The following BORA variants were observed in gnomAD, a reference collection of about 807,000 sequenced individuals.
BORA encodes BORA aurora kinase A activator.
In BORA, 26 loss-of-function variants were observed where a neutral mutation model predicts 55.8. The ratio of observed to expected loss-of-function variants is 0.47; its 90% CI spans 0.34 to 0.65. The LOEUF is 0.65. BORA is among the 30% of genes least tolerant of loss of function. BORA has a pLI of 0.01. For synonymous variants in BORA, 201 were observed against 216.9 expected, an observed-to-expected ratio of 0.93 and a Z score of 0.64; for missense variants, 568 against 671.5, an observed-to-expected ratio of 0.85 and a Z score of 1.70.
intron 5 of BORA, among the ~76,000 whole-genome samples, chr13:72,741,874 G>C (rs1274621350): frequency 6.6e-6 from 1 of 152,138 alleles, no homozygotes; most frequent in Non-Finnish European, 1.5e-5. Flanking sequence ...CTAGAGATGA[G>C]AGAGATACCT....
At chr13:72,740,165 G>A (rs559330054) in intron 5 of BORA, among the ~76,000 whole-genome samples, 1 of 152,274 alleles carries the variant, frequency 6.6e-6, no homozygotes, top group Admixed American at 6.5e-5. Flanking sequence ...CTTTTTGTAT[G>A]AGAAAGTCCA....
At position 72,756,180 on chromosome 13, in the gene BORA, A is replaced by ATTCATATGTACCCTTAGG; in HGVS notation, c.*964_*965insTTCATATGTACCCTTAGG. 5.5e-6 allele frequency: 2 copies of ATTCATATGTACCCTTAGG among 366,076 alleles called. No homozygotes were observed. The highest frequency in any genetic ancestry group is 9.7e-6 in the Non-Finnish European group (2 of 206,710). The allele number at this position is 366,076 out of a possible 1,614,324, so 22.7% of individuals were successfully genotyped here. On this transcript the variant is annotated 3_prime_UTR_variant, in exon 12 of 12. Transcript: ENST00000390667. ...AAACTGTCTCATTCAAAAGGGAATA[A>ATTCATATGTACCCTTAGG]AGACCTGTGTTATCAATGTGTCATT... is the stretch of plus-strand genomic sequence containing the variant.
chr13:72,747,087 TC>T lies in BORA; in HGVS notation c.1460del (p.Pro487LeufsTer51). On this transcript the variant is annotated frameshift_variant, in exon 10 of 12. Transcript: ENST00000390667. LOFTEE classifies it high-confidence loss of function. ...CACCTCTTGCTGAAAGCAGTGTCAT[TC>T]CTTGTGAAAGCAGTAACATTCAGGT... Reference protein sequence around the residue: ...MSPLAESSVIPCESSNIQMDS... With the variant: ...MSPLAESSVIXCESSNIQMDS... The T allele has an allele frequency of 6.2e-7, 1 of 1,613,794 alleles. No homozygotes were observed. Among genetic ancestry groups the T allele is most frequent in the Non-Finnish European group, 8.5e-7 (1 of 1,179,914 alleles).
intron 3 of BORA, among the ~76,000 whole-genome samples, chr13:72,732,676 C>CA (rs1351718996): frequency 6.6e-6 from 1 of 151,536 alleles, no homozygotes; most frequent in Non-Finnish European, 1.5e-5. Context: ...GACTCCATCT[C>CA]AAAAAAATAA....
At chr13:72,739,979 C>T (rs927794897) in intron 5 of BORA, among the ~76,000 whole-genome samples, 3 of 149,900 alleles carry the variant, frequency 2.0e-5, no homozygotes, top group Admixed American at 6.7e-5. Flanking sequence ...GAGATAGTCA[C>T]TGTGGCATGT....
Position 72,734,958 on chromosome 13 carries a change from A to G in BORA, c.261-2A>G. ...TTATTTTTCTTCTTTATCTTTGTAT[A>G]GAATAGATAAAGATGTGGAAGACAA... On this transcript the variant is annotated splice_acceptor_variant, in intron 3 of 11. Coordinates refer to ENST00000390667, the MANE Select transcript of BORA (RefSeq NM_024808.5). LOFTEE classifies it high-confidence loss of function. 1 of 1,566,522 alleles carries G rather than the reference A, an allele frequency of 6.4e-7. No homozygotes were observed. The highest frequency in any genetic ancestry group is 8.8e-7 in the Non-Finnish European group (1 of 1,138,678).
intron 8 of BORA, among the ~76,000 whole-genome samples, chr13:72,745,429 G>A (rs1016948941): frequency 6.6e-6 from 1 of 152,188 alleles, no homozygotes; most frequent in Non-Finnish European, 1.5e-5. Flanking sequence ...ACCCCTGTGA[G>A]CTGCCCAGAT....
At position 72,750,360 on chromosome 13, in the gene BORA, A is replaced by G. The variant is rs569872355; in HGVS notation, c.1482+3249A>G. Among the ~76,000 whole-genome samples the G allele has an allele frequency of 7.8e-4, 119 of 152,370 alleles. 1 individual carries two copies. The highest frequency in any genetic ancestry group is 2.9e-3 in the Admixed American group (45 of 15,304). Reference sequence around the variant, plus strand: ...TGGAAGGAAGGTTAAAGAAGAAGTAATGAAATAACGTGTGTAGATAACTCT... The same window carrying G: ...TGGAAGGAAGGTTAAAGAAGAAGTAGTGAAATAACGTGTGTAGATAACTCT... On this transcript the variant is annotated intron_variant, in intron 10 of 11. Coordinates refer to ENST00000390667, the MANE Select transcript of BORA (RefSeq NM_024808.5).
chr13:72,749,111 T>G (rs920668247), intron 10 of BORA, among the ~76,000 whole-genome samples: 5 of 152,062 alleles, frequency 3.3e-5, no homozygotes, highest in Non-Finnish European at 7.3e-5. Context: ...TGAGGAAGAG[T>G]ACATTTCTAA....
chr13:72,728,675 A>T (rs1331106204), intron 1 of BORA, among the ~76,000 whole-genome samples: 1 of 152,206 alleles, frequency 6.6e-6, no homozygotes, highest in African/African-American at 2.4e-5. Flanking sequence ...AAGCCACTTC[A>T]CTTCTCTGAG....
At chr13:72,744,656 G>C in intron 7 of BORA, 95 bp downstream of exon 7, 2 of 934,872 alleles carry the variant, frequency 2.1e-6, no homozygotes, top group Non-Finnish European at 3.3e-6. Context: ...ATATGTGGCA[G>C]TGCCTCTTTC....
At chr13:72,752,077 G>A (rs1233460750) in intron 10 of BORA, 1 of 152,066 alleles carries the variant, frequency 6.6e-6, no homozygotes, top group African/African-American at 2.4e-5. Context: ...AATAAATTTA[G>A]TAACAAAGTG....
intron 3 of BORA, among the ~76,000 whole-genome samples, chr13:72,732,608 CAAAGG>C (rs1490687858): frequency 1.5e-4 from 23 of 152,122 alleles, no homozygotes; most frequent in Middle Eastern, 3.4e-3. Context: ...ACCCAGGAGG[CAAAGG>C]TTGCAGTGAG....
Position 72,746,511 on chromosome 13 carries a change from G to T in BORA, c.882G>T (p.Lys294Asn). 3.7e-6 allele frequency: 6 copies of T among 1,608,566 alleles called. No homozygotes were observed. The highest frequency in any genetic ancestry group is 2.2e-5 in the East Asian group (1 of 44,762). The change falls in exon 10 of 12, where the codon AAG (lysine) becomes AAT (asparagine). Residue 294 changes from lysine to asparagine, a missense_variant. Physicochemically the swap from Lys to Asn is moderately conservative, Grantham distance 94. Transcript: ENST00000390667. ...IGETPLSEQR[K>N]FTVHSPDASS... is the part of the protein sequence containing the mutation. ...CTTCCCACCTTTCAGAACAAAGGAAGTTTACTGTTCATTCTCCTGATGCTT... is the reference window on the plus strand; with the variant it reads ...CTTCCCACCTTTCAGAACAAAGGAATTTTACTGTTCATTCTCCTGATGCTT...
chr13:72,755,732 C>A lies in BORA; in HGVS notation c.*516C>A, dbSNP rs1192088443. 2 of 397,292 alleles carry A rather than the reference C, an allele frequency of 5.0e-6. No homozygotes were observed. The highest frequency in any genetic ancestry group is 8.9e-6 in the Non-Finnish European group (2 of 225,864). The allele number at this position is 397,292 out of a possible 1,614,324, so 24.6% of individuals were successfully genotyped here. ...CTGAAATTTTAGTTCTTGGTCTGTTCACCTCTGTGGGGAAAATTCTTAGTT... is the reference window on the plus strand; with the variant it reads ...CTGAAATTTTAGTTCTTGGTCTGTTAACCTCTGTGGGGAAAATTCTTAGTT... On this transcript the variant is annotated 3_prime_UTR_variant, in exon 12 of 12. Transcript: ENST00000390667.
intron 2 of BORA, 44 bp downstream of exon 2, chr13:72,729,137 AG>A (rs1413341353): frequency 2.2e-6 from 3 of 1,389,332 alleles, no homozygotes; most frequent in Non-Finnish European, 2.9e-6. Context: ...TTTAAATGTA[AG>A]TAATTACAAA....
chr13:72,731,142 A>G (rs981673570), intron 2 of BORA, 139 bp from the exon 3 acceptor site: 16 of 606,566 alleles, frequency 2.6e-5, no homozygotes, highest in Non-Finnish European at 4.0e-5. Context: ...ATTTAATTTC[A>G]TGGTAAAGTC....
chr13:72,743,988 T>C (rs1264194074), intron 6 of BORA, among the ~76,000 whole-genome samples: 2 of 152,108 alleles, frequency 1.3e-5, no homozygotes, highest in Admixed American at 6.5e-5. Flanking sequence ...CTGCCCACTT[T>C]GGCCCCCCAA....
intron 9 of BORA, 115 bp from the exon 10 acceptor site, chr13:72,746,386 A>G: frequency 2.4e-6 from 3 of 1,238,546 alleles, no homozygotes; most frequent in South Asian, 1.5e-5. Flanking sequence ...GGTAAACAAC[A>G]CAACTGTTAC....
Sources: allele counts gnomAD v4.1 joint callset (sites outside exome capture counted in the v4.1 genomes callset), GRCh38; gene constraint gnomAD v4.1.1; transcripts MANE v1.5; gene names NCBI Gene and HGNC (gene_info 2026-07-23, HGNC 2026-07-21).